Variants in SCN8A observed in about 807,000 individuals in gnomAD.
SCN8A encodes the protein sodium channel protein type 8 subunit alpha.
Under a neutral mutation model 184.1 loss-of-function variants are expected in SCN8A, and 30 were observed. The observed-to-expected ratio is 0.16, with a 90% CI of 0.12 to 0.22. SCN8A has a LOEUF of 0.22. SCN8A is among the 10% of genes least tolerant of loss of function. The pLI, the probability that SCN8A is intolerant of heterozygous loss-of-function variation, is 1.00. For missense variants in SCN8A, 1,057 were observed against 2,498.9 expected (o/e 0.42, Z 12.30); for synonymous variants, 852 against 907.0 (o/e 0.94, Z 1.09).
At chr12:51,712,815 A>G (rs1941902200) in intron 11 of SCN8A, 2 of 1,173,576 alleles carry the variant, frequency 1.7e-6, no homozygotes, top group East Asian at 2.3e-5. Context: ...TATATCCACC[A>G]TCACCTCCTC....
rs1942886587 is a variant in SCN8A, at chr12:51,769,262, T to A, written c.3299T>A (p.Val1100Glu). ...TTGACTGTACGGGTACCCATTGCTG[T>A]GGGCGAGTCTGACTTTGAGAACCTC... The part of the protein sequence containing the change: ...PNLTVRVPIA[V>E]GESDFENLNT... Residue 1100 changes from valine (V) to glutamate (E), a missense_variant, in exon 17 of 27, where the codon GTG becomes GAG. By Grantham distance (121) the Val-to-Glu change is moderately radical. This residue lies in a region of SCN8A where 178 missense variants were observed against 259.6 expected (regional missense o/e 0.69). Coordinates refer to ENST00000627620, the MANE Select transcript of SCN8A (RefSeq NM_001330260.2). 1 of 1,611,372 alleles carries A rather than the reference T, an allele frequency of 6.2e-7. No homozygotes were observed. Among genetic ancestry groups the A allele is most frequent in the Admixed American group, 1.7e-5 (1 of 59,964 alleles).
At chr12:51,716,729 C>T (rs1035059080) in intron 11 of SCN8A, among the ~76,000 whole-genome samples, 3 of 152,174 alleles carry the variant, frequency 2.0e-5, no homozygotes, top group African/African-American at 7.2e-5. Flanking sequence ...TCCGCAGTGA[C>T]GCCCTCAAGA....
intron 2 of SCN8A, among the ~76,000 whole-genome samples, chr12:51,680,327 C>A (rs1295803069): frequency 6.6e-6 from 1 of 152,124 alleles, no homozygotes; most frequent in African/African-American, 2.4e-5. Context: ...CTTAGTAAAG[C>A]CTTCTGCTTA....
chr12:51,768,822 AC>A (rs1255946449), intron 16 of SCN8A, 42 bp from the exon 17 acceptor site: 1 of 1,493,258 alleles, frequency 6.7e-7, no homozygotes, highest in Non-Finnish European at 9.0e-7. Flanking sequence ...TCGATGGATA[AC>A]TTTTCTGCAT....
chr12:51,638,056 C>T (rs374367582), intron 1 of SCN8A, among the ~76,000 whole-genome samples: 1 of 151,898 alleles, frequency 6.6e-6, no homozygotes, highest in African/African-American at 2.4e-5. Flanking sequence ...CTACCTGTGC[C>T]CTATAAATGG....
intron 11 of SCN8A, chr12:51,712,755 A>G (rs1326966670): frequency 7.8e-6 from 9 of 1,149,060 alleles, no homozygotes; most frequent in African/African-American, 6.0e-5. Flanking sequence ...CCCCTCTACT[A>G]CTATAACCAG....
chr12:51,806,906 A>G lies in SCN8A; in HGVS notation c.5420A>G (p.Lys1807Arg), dbSNP rs1938717249. Reference sequence around the variant, plus strand: ...GCCACCCAGTTCATTGAGTACTGTAAGCTGGCAGACTTTGCAGATGCCTTG... The same window carrying G: ...GCCACCCAGTTCATTGAGTACTGTAGGCTGGCAGACTTTGCAGATGCCTTG... ...PDATQFIEYC[K>R]LADFADALEH... Residue 1807 changes from lysine to arginine, a missense_variant, in exon 27 of 27, where the codon AAG becomes AGG. This residue lies in a region of SCN8A where 50 missense variants were observed against 125.8 expected (regional missense o/e 0.40). Coordinates refer to ENST00000627620, the MANE Select transcript of SCN8A (RefSeq NM_001330260.2). The surrounding 1 kb of genome is among the most constrained non-coding windows in gnomAD (Gnocchi z 8.7). 1 of 1,613,404 alleles carries G rather than the reference A, an allele frequency of 6.2e-7. No individual in the cohort carries two copies. Among genetic ancestry groups the G allele is most frequent in the Non-Finnish European group, 8.5e-7 (1 of 1,179,396 alleles).
intron 11 of SCN8A, among the ~76,000 whole-genome samples, chr12:51,709,924 C>T (rs1159952370): frequency 6.6e-6 from 1 of 152,074 alleles, no homozygotes; most frequent in Non-Finnish European, 1.5e-5. Flanking sequence ...AAGATAACCC[C>T]TGACAGTTTA....
intron 13 of SCN8A, among the ~76,000 whole-genome samples, chr12:51,746,648 G>A (rs1036022108): frequency 1.3e-5 from 2 of 152,122 alleles, no homozygotes; most frequent in Non-Finnish European, 2.9e-5. Context: ...ATCATAGCAC[G>A]TCTGCAGTAA....
At chr12:51,736,856 C>G (rs1219614637) in intron 12 of SCN8A, among the ~76,000 whole-genome samples, 1 of 152,222 alleles carries the variant, frequency 6.6e-6, no homozygotes, top group Non-Finnish European at 1.5e-5. Flanking sequence ...TCAATTACAG[C>G]TACAAGCTCC....
At chr12:51,779,593 T>A (rs1937832275) in intron 20 of SCN8A, among the ~76,000 whole-genome samples, 1 of 152,198 alleles carries the variant, frequency 6.6e-6, no homozygotes, top group South Asian at 2.1e-4. Flanking sequence ...AGAAAAAGCA[T>A]TGGCCTGGGA....
At chr12:51,631,148 T>C (rs1940187978) in intron 1 of SCN8A, among the ~76,000 whole-genome samples, 1 of 152,214 alleles carries the variant, frequency 6.6e-6, no homozygotes, top group African/African-American at 2.4e-5. Context: ...GACTTCTTCC[T>C]TTAAACACCC....
intron 6 of SCN8A, among the ~76,000 whole-genome samples, chr12:51,696,270 C>T (rs1941591243): frequency 6.6e-6 from 1 of 152,030 alleles, no homozygotes; most frequent in African/African-American, 2.4e-5. Context: ...TTTTAGTGAC[C>T]CATTCAAGTA....
intron 6 of SCN8A, among the ~76,000 whole-genome samples, chr12:51,692,703 G>A (rs1050967277): frequency 5.3e-5 from 8 of 152,158 alleles, no homozygotes; most frequent in South Asian, 4.2e-4. Flanking sequence ...TCTGAGTCCC[G>A]CATAAAGTGA....
At chr12:51,661,813 T>G (rs1223242456) in intron 1 of SCN8A, among the ~76,000 whole-genome samples, 2 of 152,242 alleles carry the variant, frequency 1.3e-5, no homozygotes, top group Non-Finnish European at 2.9e-5. Flanking sequence ...TCCATTTTAC[T>G]GCATGTGTTT....
chr12:51,766,823 C>G (rs1320339562), intron 16 of SCN8A, among the ~76,000 whole-genome samples: 1 of 152,128 alleles, frequency 6.6e-6, no homozygotes, highest in Non-Finnish European at 1.5e-5. Context: ...TCAGAATCTG[C>G]ATTTTTAACA....
intron 20 of SCN8A, chr12:51,780,097 C>A: frequency 3.2e-6 from 1 of 311,324 alleles, no homozygotes; most frequent in South Asian, 2.5e-5. Context: ...TTTTTGTCAA[C>A]CAGGAGTAAA....
chr12:51,767,488 A>G (rs1180135750), intron 16 of SCN8A, among the ~76,000 whole-genome samples: 1 of 152,134 alleles, frequency 6.6e-6, no homozygotes, highest in Non-Finnish European at 1.5e-5. Context: ...ATCTTTCTTC[A>G]TAGTATTTCT....
At chr12:51,785,615 A>G (rs943082022) in intron 21 of SCN8A, among the ~76,000 whole-genome samples, 10 of 152,356 alleles carry the variant, frequency 6.6e-5, no homozygotes, top group African/African-American at 2.2e-4. Flanking sequence ...GCAAAATCAA[A>G]GTTGAAAACA....
Sources: gnomAD v4.1 joint callset for allele counts (sites outside exome capture counted in the v4.1 genomes callset) on GRCh38, gnomAD v4.1.1 for gene constraint, gnomAD v4.1.1 regional missense constraint, Gnocchi (gnomAD v3.1) non-coding constraint, MANE v1.5 for transcripts, NCBI Gene and HGNC (gene_info 2026-07-23, HGNC 2026-07-21) for gene names.